STK25: variants seen among roughly 807,000 people sequenced by gnomAD.
STK25 encodes the protein serine/threonine-protein kinase 25.
Under a neutral mutation model 53.8 loss-of-function variants are expected in STK25, and 29 were observed. The ratio of observed to expected loss-of-function variants is 0.54; its 90% confidence interval spans 0.40 to 0.74. The LOEUF is 0.74. Among genes scored for constraint, STK25 ranks in the 30% least tolerant of loss-of-function variants. The pLI, the probability that STK25 is intolerant of heterozygous loss-of-function variation, is 0.00. For synonymous variants in STK25, 247 were observed against 238.3 expected (o/e 1.04, Z -0.33); for missense variants, 420 against 568.0 (o/e 0.74, Z 2.65).
In STK25 at chr2:241,495,507, G is replaced by A. The variant is rs1574930203; in HGVS notation, c.*155C>T. ...GCACACTGCAGGGGTGGAAGGAGAC[G>A]GTGACCTGGTGACCTGGCATGTGAG... is the stretch of plus-strand genomic sequence containing the variant. On this transcript the variant is annotated 3_prime_UTR_variant, in exon 12 of 12. Transcript: ENST00000316586. 9.7e-6 allele frequency: 7 copies of A among 725,302 alleles called. No homozygotes were observed. Among genetic ancestry groups the A allele is most frequent in the African/African-American group, 3.5e-5 (2 of 57,814 alleles). 44.9% of individuals were successfully genotyped at this position (725,302 alleles called of 1,614,324 possible). A position where few individuals can be genotyped will look rare whatever the true frequency, so the allele number is the denominator to read the frequency against.
In STK25 at chr2:241,501,894, G is replaced by C. The variant is rs181539365; in HGVS notation, c.31-186C>G. ...GTTCAAAAACTAAACTTGGCCGGGC[G>C]TGGTGGCTCACGCCTGTAATTCTAG... On this transcript the variant is annotated intron_variant, in intron 2 of 11. Coordinates refer to ENST00000316586, the MANE Select transcript of STK25 (RefSeq NM_001271977.2). The surrounding 1 kb of genome is among the most constrained non-coding windows in gnomAD (Gnocchi z 5.3). 6.4e-4 allele frequency: 369 copies of C among 572,442 alleles called. 2 individuals carry two copies. In the East Asian group the frequency reaches 9.7e-3, roughly 15 times the overall value. 35.5% of individuals were successfully genotyped at this position (572,442 alleles called of 1,614,324 possible). A position where few individuals can be genotyped will look rare whatever the true frequency, so the allele number is the denominator to read the frequency against.
At chr2:241,498,879 A>G (rs546283303) in intron 7 of STK25, 95 bp from the exon 8 acceptor site, 2 of 1,606,110 alleles carry the variant, frequency 1.2e-6, no homozygotes, top group East Asian at 2.2e-5. Context: ...GCGGGCCCTC[A>G]CAGCTACAAG....
intron 9 of STK25, 103 bp downstream of exon 9, chr2:241,498,132 T>C: frequency 1.8e-6 from 2 of 1,133,670 alleles, no homozygotes; most frequent in Admixed American, 1.8e-5. Context: ...CCAAGCTCCT[T>C]GTCCAAGCTC....
In STK25 at chr2:241,508,049, C is replaced by T. The variant is rs778196771; in HGVS notation, c.-14G>A. ...GAGGTGAGCCATGGCCGCGCCGCCTCAGACCCTCCGCCAGCAGCCCCAGGA... is the reference window on the plus strand; with the variant it reads ...GAGGTGAGCCATGGCCGCGCCGCCTTAGACCCTCCGCCAGCAGCCCCAGGA... On this transcript the variant is annotated 5_prime_UTR_variant, in exon 2 of 12. Coordinates refer to ENST00000316586, the MANE Select transcript of STK25 (RefSeq NM_001271977.2). 8 of 1,601,250 alleles carry T rather than the reference C, an allele frequency of 5.0e-6. No homozygotes were observed. The highest frequency in any genetic ancestry group is 6.8e-6 in the Non-Finnish European group (8 of 1,175,376).
Position 241,494,170 on chromosome 2 carries a change from GAC to G in STK25, c.*1490_*1491del. 3 of 1,241,076 alleles carry G rather than the reference GAC, an allele frequency of 2.4e-6. No individual in the cohort carries two copies. The highest frequency in any genetic ancestry group is 3.3e-6 in the Non-Finnish European group (3 of 911,460). The allele number at this position is 1,241,076 out of a possible 1,614,324, so 76.9% of individuals were successfully genotyped here. ...TGGACACAACTACAAAGAACAGCAGGACACAGAGGTGACCTCTGTCCTGAGGC... is the reference window on the plus strand; with the variant it reads ...TGGACACAACTACAAAGAACAGCAGGACAGAGGTGACCTCTGTCCTGAGGC... On this transcript the variant is annotated 3_prime_UTR_variant, in exon 12 of 12. Coordinates refer to ENST00000316586, the MANE Select transcript of STK25 (RefSeq NM_001271977.2). This position sits in a 1 kb window ranked among gnomAD's most constrained non-coding sequence, Gnocchi z 4.9.
chr2:241,509,419 C>G (rs1202070707), upstream of STK25: 2 of 152,332 alleles, frequency 1.3e-5, no homozygotes, highest in African/African-American at 4.8e-5. Context: ...CATAGTGCCC[C>G]CTGTGTGCAT....
intron 11 of STK25, 30 bp from the exon 12 acceptor site, chr2:241,495,731 C>T (rs747233210): frequency 8.1e-6 from 13 of 1,613,550 alleles, no homozygotes; most frequent in South Asian, 5.5e-5. Flanking sequence ...CTGCTGCGTG[C>T]GTGCACCTCT....
At position 241,496,289 on chromosome 2, in the gene STK25, C is replaced by T; in HGVS notation, c.1241+109G>A. ...GCGCCTTCCCAGAGTGAAGCGAGCC[C>T]ATGTAGTGCCAAATGCAGCCACACC... On this transcript the variant is annotated intron_variant, in intron 11 of 11. Transcript: ENST00000316586. This position sits in a 1 kb window ranked among gnomAD's most constrained non-coding sequence, Gnocchi z 5.8. 1 of 1,358,800 alleles carries T rather than the reference C, an allele frequency of 7.4e-7. No homozygotes were observed. Among genetic ancestry groups the T allele is most frequent in the Non-Finnish European group, 1.0e-6 (1 of 983,660 alleles). 84.2% of individuals were successfully genotyped at this position (1,358,800 alleles called of 1,614,324 possible). A position where few individuals can be genotyped will look rare whatever the true frequency, so the allele number is the denominator to read the frequency against.
upstream of STK25, chr2:241,509,508 AGG>A (rs937976326): frequency 6.6e-6 from 1 of 152,380 alleles, no homozygotes; most frequent in African/African-American, 2.4e-5. Flanking sequence ...CCACCCTTAC[AGG>A]CCCTCACTCT....
chr2:241,495,494 G>T lies in STK25; in HGVS notation c.*168C>A. ...GACGTGCACAACAGCACACTGCAGG[G>T]GTGGAAGGAGACGGTGACCTGGTGA... On this transcript the variant is annotated 3_prime_UTR_variant, in exon 12 of 12. Transcript: ENST00000316586. 1.5e-6 allele frequency: 1 copy of T among 676,010 alleles called. No homozygotes were observed. The allele number at this position is 676,010 out of a possible 1,614,324, so 41.9% of individuals were successfully genotyped here. A position where few individuals can be genotyped will look rare whatever the true frequency, so the allele number is the denominator to read the frequency against.
chr2:241,500,600 C>T, intron 4 of STK25, 140 bp downstream of exon 4: 1 of 929,518 alleles, frequency 1.1e-6, no homozygotes, highest in Non-Finnish European at 1.7e-6. Context: ...GATGGCAGTT[C>T]ATTTTTGCTT....
chr2:241,503,364 C>A (rs1302339767), intron 2 of STK25, among the ~76,000 whole-genome samples: 1 of 151,876 alleles, frequency 6.6e-6, no homozygotes, highest in Non-Finnish European at 1.5e-5. Context: ...CACGCACGGC[C>A]CCTCCCCTAA....
At chr2:241,500,083 C>A in intron 5 of STK25, 90 bp downstream of exon 5, 1 of 1,098,874 alleles carries the variant, frequency 9.1e-7, no homozygotes, top group East Asian at 2.4e-5. Context: ...CCCTGGGCAC[C>A]ACTAGCCACT....
At chr2:241,500,363 G>A (rs567742531) in intron 4 of STK25, 82 bp from the exon 5 acceptor site, 10 of 972,292 alleles carry the variant, frequency 1.0e-5, no homozygotes, top group Admixed American at 3.9e-5. Flanking sequence ...TCACAGGGAA[G>A]GGCTGTCCCT....
At position 241,496,974 on chromosome 2, in the gene STK25, C is replaced by T. The variant is rs1559827888; in HGVS notation, c.1105-440G>A. On this transcript the variant is annotated intron_variant, in intron 10 of 11. Transcript: ENST00000316586. The surrounding 1 kb of genome is among the most constrained non-coding windows in gnomAD (Gnocchi z 5.8). ...CCTGTCACCGGGTGTCACCCACCCT[C>T]GGGGGGCTGTGGCTGGATCAGCAGG... Among the ~76,000 whole-genome samples, 1 of 152,266 alleles carries T rather than the reference C, an allele frequency of 6.6e-6. No individual in the cohort carries two copies. The highest frequency in any genetic ancestry group is 2.4e-5 in the African/African-American group (1 of 41,476).
chr2:241,500,077 G>T, intron 5 of STK25, 96 bp downstream of exon 5: 1 of 1,021,200 alleles, frequency 9.8e-7, no homozygotes, highest in East Asian at 2.4e-5. Context: ...TCCAGACCCT[G>T]GGCACCACTA....
At chr2:241,500,628 A>G in intron 4 of STK25, 112 bp downstream of exon 4, 1 of 1,112,634 alleles carries the variant, frequency 9.0e-7, no homozygotes, top group Non-Finnish European at 1.3e-6. Flanking sequence ...TTCCTAATTA[A>G]CACCTAACGT....
Position 241,493,657 on chromosome 2 carries a change from C to G in STK25, c.*2005G>C. On this transcript the variant is annotated 3_prime_UTR_variant, in exon 12 of 12. Transcript: ENST00000316586. ...TCACTCAGGCTGGAGTGCAGTGATA[C>G]AATCTTGGCTCACTATAACCTGCAC... 3.5e-6 allele frequency: 2 copies of G among 576,618 alleles called. No homozygotes were observed. The highest frequency in any genetic ancestry group is 6.2e-6 in the Non-Finnish European group (2 of 324,648). 35.7% of individuals were successfully genotyped at this position (576,618 alleles called of 1,614,324 possible).
Position 241,501,309 on chromosome 2 carries a change from C to T in STK25, c.261+169G>A. 1.4e-6 allele frequency: 1 copy of T among 689,954 alleles called. No homozygotes were observed. The highest frequency in any genetic ancestry group is 2.6e-6 in the Non-Finnish European group (1 of 391,064). The allele number at this position is 689,954 out of a possible 1,614,324, so 42.7% of individuals were successfully genotyped here. A position where few individuals can be genotyped will look rare whatever the true frequency, so the allele number is the denominator to read the frequency against. ...CCAATGGCCATTTAGAGCCAACTGA[C>T]CCTCGTGGACGAGGGCTCACACCCT... On this transcript the variant is annotated intron_variant, in intron 3 of 11. Coordinates refer to ENST00000316586, the MANE Select transcript of STK25 (RefSeq NM_001271977.2). This position sits in a 1 kb window ranked among gnomAD's most constrained non-coding sequence, Gnocchi z 5.3.
Sources: gnomAD v4.1 joint callset for allele counts (sites outside exome capture counted in the v4.1 genomes callset) on GRCh38, gnomAD v4.1.1 for gene constraint, Gnocchi (gnomAD v3.1) non-coding constraint, MANE v1.5 for transcripts, NCBI Gene and HGNC (gene_info 2026-07-23, HGNC 2026-07-21) for gene names.